Variants in CFH observed in about 807,000 individuals in gnomAD.
CFH encodes the protein complement factor H, also known as H factor 1 (complement).
CFH carries 53 observed loss-of-function variants against 147.3 expected under a neutral mutation model. The observed-to-expected ratio is 0.36, with a 90% CI of 0.29 to 0.45. The LOEUF (loss-of-function observed/expected upper bound fraction) is 0.45, where lower values mean the gene tolerates loss of function less well. Among genes scored for constraint, CFH ranks in the 20% least tolerant of loss-of-function variants. The probability of loss-of-function intolerance (pLI) is 1.00; values close to 1 mark genes in which losing one functional copy is unlikely to be tolerated. For synonymous variants in CFH, 536 were observed against 489.4 expected (o/e 1.10, Z -1.26); for missense variants, 1,380 against 1,498.0 (o/e 0.92, Z 1.30).
At chr1:196,692,781 T>TTCC (rs1668097859) in intron 9 of CFH, among the ~76,000 whole-genome samples, 3 of 114,536 alleles carry the variant, frequency 2.6e-5, no homozygotes, top group African/African-American at 1.1e-4. Flanking sequence ...TTTCTTTCTT[T>TTCC]CTTTCTTTCT....
At chr1:196,671,916 T>G (rs1020120830) in intron 1 of CFH, among the ~76,000 whole-genome samples, 2 of 150,580 alleles carry the variant, frequency 1.3e-5, no homozygotes, top group African/African-American at 4.9e-5. Flanking sequence ...AAATAATATA[T>G]ATATGTATAC....
At chr1:196,697,213 C>G (rs1235268622) in intron 9 of CFH, among the ~76,000 whole-genome samples, 4 of 152,040 alleles carry the variant, frequency 2.6e-5, no homozygotes, top group Non-Finnish European at 5.9e-5. Context: ...TCAGAGTGAA[C>G]AGGCAACCTA....
chr1:196,676,044 A>G lies in CFH; in HGVS notation c.406A>G (p.Asn136Asp). ...YRECDTDGWT[N>D]DIPICEVVKC... ...TGAATGTGACACAGATGGATGGACC[A>G]ATGATATTCCTATATGTGAAGGTAG... The change falls in exon 4 of 22, where the codon AAT (asparagine) becomes GAT (aspartate). Residue 136 changes from asparagine (N) to aspartate (D), a missense_variant. By Grantham distance (23) the Asn-to-Asp change is conservative (BLOSUM62 1). Coordinates refer to ENST00000367429, the MANE Select transcript of CFH (RefSeq NM_000186.4). 1 of 1,608,160 alleles carries G rather than the reference A, an allele frequency of 6.2e-7. No individual in the cohort carries two copies. The highest frequency in any genetic ancestry group is 2.2e-5 in the East Asian group (1 of 44,702).
chr1:196,669,022 G>A (rs1370275702), intron 1 of CFH, among the ~76,000 whole-genome samples: 2 of 152,176 alleles, frequency 1.3e-5, no homozygotes, highest in African/African-American at 2.4e-5. Flanking sequence ...AGACCAAAAT[G>A]CTGATAGTGA....
chr1:196,669,640 C>G (rs987421860), intron 1 of CFH, among the ~76,000 whole-genome samples: 2 of 152,188 alleles, frequency 1.3e-5, no homozygotes, highest in African/African-American at 4.8e-5. Flanking sequence ...AAAACCTCCA[C>G]CTAGATTCAG....
At chr1:196,662,879 A>AT (rs1445761228) in intron 1 of CFH, among the ~76,000 whole-genome samples, 3 of 151,848 alleles carry the variant, frequency 2.0e-5, no homozygotes, top group African/African-American at 7.3e-5. Flanking sequence ...CTTGTCAAAA[A>AT]ATAAAATAAA....
At chr1:196,659,017 T>C (rs1288755012) in intron 1 of CFH, among the ~76,000 whole-genome samples, 1 of 152,246 alleles carries the variant, frequency 6.6e-6, no homozygotes, top group Non-Finnish European at 1.5e-5. Flanking sequence ...TTAGATATGA[T>C]GGCTTAGTCT....
chr1:196,687,634 C>A (rs1030822751), intron 7 of CFH, among the ~76,000 whole-genome samples: 1 of 151,932 alleles, frequency 6.6e-6, no homozygotes, highest in Admixed American at 6.6e-5. Context: ...ACAGCTCCCA[C>A]AAATCCAAGA....
chr1:196,745,675 T>A (rs1385628463), intron 20 of CFH, 142 bp from the exon 21 acceptor site: 1 of 1,154,684 alleles, frequency 8.7e-7, no homozygotes, highest in Non-Finnish European at 1.3e-6. Flanking sequence ...AGGGTTAAAA[T>A]TTCTTCCAGG....
intron 9 of CFH, among the ~76,000 whole-genome samples, chr1:196,694,851 G>T (rs1668196951): frequency 6.6e-6 from 1 of 152,110 alleles, no homozygotes; most frequent in Non-Finnish European, 1.5e-5. Context: ...TGATGGGGTT[G>T]TTTGTTTCTT....
chr1:196,695,130 A>C (rs1049876846), intron 9 of CFH, among the ~76,000 whole-genome samples: 3 of 151,956 alleles, frequency 2.0e-5, no homozygotes, highest in African/African-American at 7.3e-5. Flanking sequence ...TATGGTTTTT[A>C]TGGTTTTAGG....
chr1:196,685,441 T>G (rs1246575021), intron 7 of CFH, among the ~76,000 whole-genome samples: 3 of 152,118 alleles, frequency 2.0e-5, no homozygotes, highest in Non-Finnish European at 2.9e-5. Flanking sequence ...TTTATGAATG[T>G]ATGTTTCCCT....
At chr1:196,694,885 T>C (rs1306212107) in intron 9 of CFH, among the ~76,000 whole-genome samples, 1 of 152,240 alleles carries the variant, frequency 6.6e-6, no homozygotes, top group South Asian at 2.1e-4. Flanking sequence ...TTTAAGTTCC[T>C]TGTAGATTCT....
chr1:196,676,774 A>T (rs1339937058), intron 4 of CFH, among the ~76,000 whole-genome samples: 2 of 152,100 alleles, frequency 1.3e-5, no homozygotes, highest in Non-Finnish European at 2.9e-5. Flanking sequence ...TTTTTCATCT[A>T]TGAAAATTGG....
At chr1:196,674,840 G>T (rs1044074891) in intron 3 of CFH, among the ~76,000 whole-genome samples, 4 of 151,998 alleles carry the variant, frequency 2.6e-5, no homozygotes, top group Admixed American at 2.6e-4. Flanking sequence ...CTACAAAACA[G>T]ACACATTTTA....
chr1:196,746,571 C>A (rs1480356346), intron 21 of CFH, among the ~76,000 whole-genome samples: 1 of 152,072 alleles, frequency 6.6e-6, no homozygotes, highest in East Asian at 1.9e-4. Flanking sequence ...TATATTTATG[C>A]TACAAAGATT....
chr1:196,668,196 C>T (rs1667161413), intron 1 of CFH, among the ~76,000 whole-genome samples: 1 of 152,030 alleles, frequency 6.6e-6, no homozygotes, highest in Admixed American at 6.6e-5. Flanking sequence ...TATTTTAGAT[C>T]AGTTTCCTTC....
At chr1:196,658,569 G>A (rs1438514157) in intron 1 of CFH, among the ~76,000 whole-genome samples, 3 of 151,606 alleles carry the variant, frequency 2.0e-5, no homozygotes, top group African/African-American at 7.3e-5. Flanking sequence ...CCACCACCAA[G>A]CCCGGCTATT....
Position 196,715,584 on chromosome 1 carries a change from A to G in CFH, c.1520-9A>G, listed in dbSNP as rs1254710298. 2 of 1,603,364 alleles carry G rather than the reference A, an allele frequency of 1.2e-6. No individual in the cohort carries two copies. The highest frequency in any genetic ancestry group is 1.1e-5 in the South Asian group (1 of 90,842). ...TTAGAAATGACATTCTAAATTTTTT[A>G]TGCACTAGAATCTTGTGATATCCCA... On this transcript the variant is annotated splice_polypyrimidine_tract_variant and intron_variant, in intron 10 of 21. Transcript: ENST00000367429.
Sources: allele counts gnomAD v4.1 joint callset (sites outside exome capture counted in the v4.1 genomes callset), GRCh38; gene constraint gnomAD v4.1.1; transcripts MANE v1.5; gene names NCBI Gene and HGNC (gene_info 2026-07-23, HGNC 2026-07-21).